NELL2: variants seen among roughly 807,000 people sequenced by gnomAD.
NELL2 encodes the protein protein kinase C-binding protein NELL2.
A neutral mutation model predicts 109.6 loss-of-function variants in NELL2; 41 were observed. The ratio of observed to expected loss-of-function variants is 0.37; its 90% CI spans 0.29 to 0.49. The LOEUF (loss-of-function observed/expected upper bound fraction) is 0.49, where lower values mean the gene tolerates loss of function less well. NELL2 is among the 20% of genes least tolerant of loss of function. The probability of loss-of-function intolerance (pLI) is 0.98; values close to 1 mark genes in which losing one functional copy is unlikely to be tolerated. For synonymous variants in NELL2, 355 were observed against 344.7 expected (o/e 1.03, Z -0.33); for missense variants, 900 against 1,008.3 (o/e 0.89, Z 1.45).
intron 14 of NELL2, among the ~76,000 whole-genome samples, chr12:44,610,028 G>C (rs1354786505): frequency 6.6e-6 from 1 of 151,988 alleles, no homozygotes; most frequent in Non-Finnish European, 1.5e-5. Context: ...GAGGGAAAGA[G>C]TACAGTGGGG....
At chr12:44,774,163 G>C (rs753510724) in intron 9 of NELL2, among the ~76,000 whole-genome samples, 1 of 152,180 alleles carries the variant, frequency 6.6e-6, no homozygotes, top group Admixed American at 6.5e-5. Flanking sequence ...ACCCAGTTAA[G>C]GGTAGTTACA....
chr12:44,594,144 G>T (rs183946159), intron 15 of NELL2, among the ~76,000 whole-genome samples: 2 of 151,826 alleles, frequency 1.3e-5, no homozygotes, highest in African/African-American at 4.8e-5. Flanking sequence ...CCTGTTGGGG[G>T]TGGCGGGATA....
Position 44,792,400 on chromosome 12 carries a change from C to T in NELL2, c.336-12378G>A, listed in dbSNP as rs192474656. 1.8e-3 allele frequency among the ~76,000 whole-genome samples: 267 copies of T among 151,752 alleles called. 1 individual carries two copies. The highest frequency in any genetic ancestry group is 3.4e-3 in the Middle Eastern group (1 of 294). On this transcript the variant is annotated intron_variant, in intron 3 of 19. Transcript: ENST00000429094. The stretch of plus-strand genomic sequence containing the variant: ...TACTATACGTGCTTGTATGCTGCTG[C>T]GGATAATCTTGTAAAAAAGGGAAAT...
At chr12:44,902,882 T>A (rs1403218989) in intron 1 of NELL2, among the ~76,000 whole-genome samples, 1 of 152,084 alleles carries the variant, frequency 6.6e-6, no homozygotes, top group African/African-American at 2.4e-5. Context: ...CCCTTCCTTA[T>A]ACCTTATACA....
chr12:44,565,631 C>G (rs529007124), intron 15 of NELL2, among the ~76,000 whole-genome samples: 1 of 152,248 alleles, frequency 6.6e-6, no homozygotes, highest in African/African-American at 2.4e-5. Context: ...GTACTAAAGT[C>G]AGAATGCTTG....
intron 13 of NELL2, among the ~76,000 whole-genome samples, chr12:44,657,296 T>G (rs1246940702): frequency 6.6e-6 from 1 of 152,192 alleles, no homozygotes; most frequent in African/African-American, 2.4e-5. Context: ...ACTCATTTAA[T>G]ATTTCACTGG....
intron 1 of NELL2, among the ~76,000 whole-genome samples, chr12:44,912,908 A>G (rs1050742083): frequency 6.6e-6 from 1 of 152,182 alleles, no homozygotes; most frequent in African/African-American, 2.4e-5. Flanking sequence ...TACTAGCTAT[A>G]TGACCTTGGG....
rs755762017 is a variant in NELL2 at position 44,703,815 on chromosome 12, T to C, written c.1229A>G (p.Asn410Ser). ...GTCATTCAGATTTCTGCAGATGGAATTCTCCATGCAGTTATGCCTTTCAGA... is the reference window on the plus strand; with the variant it reads ...GTCATTCAGATTTCTGCAGATGGAACTCTCCATGCAGTTATGCCTTTCAGA... ...FCSERHNCME[N>S]SICRNLNDRA... Residue 410 changes from asparagine (N) to serine (S), a missense_variant, in exon 12 of 20, where the codon AAT (asparagine) becomes AGT (serine). Asn to Ser is a conservative substitution (Grantham distance 46). This residue lies in a region of NELL2 where 292 missense variants were observed against 265.3 expected (regional missense o/e 1.10). Transcript: ENST00000429094. 17 of 1,613,504 alleles carry C rather than the reference T, an allele frequency of 1.1e-5. No homozygotes were observed. The highest frequency in any genetic ancestry group is 1.3e-5 in the African/African-American group (1 of 74,968).
intron 1 of NELL2, among the ~76,000 whole-genome samples, chr12:44,902,820 T>C (rs1945676972): frequency 6.6e-6 from 1 of 152,082 alleles, no homozygotes; most frequent in Non-Finnish European, 1.5e-5. Flanking sequence ...CCCTATAAAA[T>C]AAATGGTGTT....
At chr12:44,780,174 C>A (rs1168022710) in intron 3 of NELL2, 152 bp from the exon 4 acceptor site, 3 of 788,120 alleles carry the variant, frequency 3.8e-6, no homozygotes, top group African/African-American at 3.5e-5. Flanking sequence ...ACAGAAGAAT[C>A]TAGAAGATAG....
rs138389745 is a variant in NELL2 at position 44,627,532 on chromosome 12, T to C, written c.1445-16562A>G. Among the ~76,000 whole-genome samples the C allele has an allele frequency of 5.9e-5, 9 of 152,212 alleles. No individual in the cohort carries two copies. The East Asian group carries it at 1.5e-3, about 26-fold the overall frequency. On this transcript the variant is annotated intron_variant, in intron 13 of 19. Coordinates refer to ENST00000429094, the MANE Select transcript of NELL2 (RefSeq NM_001145108.2). The stretch of plus-strand genomic sequence containing the variant: ...AACTTATTACTTATTTCATTTCAAC[T>C]ATAAAGACACTTGAGAATACACACA...
chr12:44,604,820 C>G (rs17094865), intron 15 of NELL2, among the ~76,000 whole-genome samples: 73,301 of 151,886 alleles, frequency 0.48, 18,671 homozygotes, highest in African/African-American at 0.65. Flanking sequence ...GATTTGTGCT[C>G]TGTTATTCTG....
chr12:44,599,106 C>G (rs1021528618), intron 15 of NELL2, among the ~76,000 whole-genome samples: 1 of 152,106 alleles, frequency 6.6e-6, no homozygotes, highest in Non-Finnish European at 1.5e-5. Context: ...CCCTGCTACA[C>G]CTGCGGAAAC....
chr12:44,515,756 T>G (rs1465521927), intron 19 of NELL2, among the ~76,000 whole-genome samples: 1 of 151,944 alleles, frequency 6.6e-6, no homozygotes, highest in African/African-American at 2.4e-5. Context: ...AAAATAAGTT[T>G]CCTTAAGACC....
At chr12:44,588,147 G>A (rs1944607874) in intron 15 of NELL2, among the ~76,000 whole-genome samples, 1 of 151,314 alleles carries the variant, frequency 6.6e-6, no homozygotes, top group Non-Finnish European at 1.5e-5. Context: ...CTCCAGCCTG[G>A]GTGACAGAGC....
chr12:44,741,787 T>A lies in NELL2; in HGVS notation c.995-27046A>T, dbSNP rs571165832. 2.0e-5 allele frequency among the ~76,000 whole-genome samples: 3 copies of A among 152,224 alleles called. No homozygotes were observed. In the South Asian group the frequency reaches 6.2e-4, roughly 32 times the overall value. On this transcript the variant is annotated intron_variant, in intron 9 of 19. Transcript: ENST00000429094. ...GCCCACCATTGCCGAGTTAGTTGTT[T>A]GATTAGGTAAACAAAGCAGCCTGGA... is the stretch of plus-strand genomic sequence containing the variant.
At chr12:44,522,226 AAC>A in intron 17 of NELL2, 50 bp from the exon 18 acceptor site, 1 of 1,535,168 alleles carries the variant, frequency 6.5e-7, no homozygotes, top group Non-Finnish European at 8.9e-7. Context: ...ATTTCTCAGT[AAC>A]ACGCACACAC....
At chr12:44,531,027 T>G (rs1008025734) in intron 16 of NELL2, among the ~76,000 whole-genome samples, 3 of 152,216 alleles carry the variant, frequency 2.0e-5, no homozygotes, top group Admixed American at 2.0e-4. Flanking sequence ...TGAAAGACAG[T>G]GAGTTTAGTT....
intron 15 of NELL2, among the ~76,000 whole-genome samples, chr12:44,593,983 G>T (rs1364966956): frequency 6.6e-6 from 1 of 152,088 alleles, no homozygotes; most frequent in Non-Finnish European, 1.5e-5. Context: ...TCCTTTGCAG[G>T]GACATGGATG....
Sources: allele counts gnomAD v4.1 joint callset (sites outside exome capture counted in the v4.1 genomes callset), GRCh38; gene constraint gnomAD v4.1.1; regional missense constraint gnomAD v4.1.1; transcripts MANE v1.5; gene names NCBI Gene and HGNC (gene_info 2026-07-23, HGNC 2026-07-21).